Variants in DERA observed in about 807,000 individuals in gnomAD.
The protein encoded by DERA is deoxyribose-phosphate aldolase.
In DERA, 15 loss-of-function variants were observed where a neutral mutation model predicts 41.1. That is an observed-to-expected ratio of 0.37 (90% CI 0.24 to 0.56). DERA has a LOEUF of 0.56. Ranked by LOEUF, DERA falls within the 20% of genes least tolerant of loss-of-function variation. The pLI is 0.81. For synonymous variants in DERA, 139 were observed against 137.4 expected, an observed-to-expected ratio of 1.01 and a Z score of -0.08; for missense variants, 396 against 403.4, an observed-to-expected ratio of 0.98 and a Z score of 0.16.
rs1948627282 is a variant in DERA, at chr12:15,966,928, C to T, written c.508+3981C>T. Among the ~76,000 whole-genome samples the T allele has an allele frequency of 6.6e-6, 1 of 152,162 alleles. No individual in the cohort carries two copies. The highest frequency in any genetic ancestry group is 2.4e-5 in the African/African-American group (1 of 41,442). Reference sequence around the variant, plus strand: ...CCAGGACCACCTGGACCCGGGGCCACCTGCTCCAGAACTCGTATTCCGTTG... The same window carrying T: ...CCAGGACCACCTGGACCCGGGGCCATCTGCTCCAGAACTCGTATTCCGTTG... On this transcript the variant is annotated intron_variant, in intron 5 of 8. Transcript: ENST00000428559. This position sits in a 1 kb window ranked among gnomAD's most constrained non-coding sequence, Gnocchi z 5.1.
chr12:16,032,711 T>A (rs759200880), intron 7 of DERA, 57 bp downstream of exon 7: 7 of 1,043,178 alleles, frequency 6.7e-6, no homozygotes, highest in Non-Finnish European at 1.0e-5. Flanking sequence ...TTTATAATAC[T>A]AGTTACAGCC....
chr12:15,958,480 C>A, intron 3 of DERA, 145 bp downstream of exon 3: 1 of 367,634 alleles, frequency 2.7e-6, no homozygotes, highest in Non-Finnish European at 4.5e-6. Flanking sequence ...TAGACAGATT[C>A]TTCTCTGAAA....
chr12:15,978,744 G>A (rs924549248), intron 5 of DERA, among the ~76,000 whole-genome samples: 2 of 152,090 alleles, frequency 1.3e-5, no homozygotes, highest in Admixed American at 6.5e-5. Context: ...ATAGATCATG[G>A]TGTCCTCTGC....
chr12:16,034,952 C>G (rs916400117), intron 7 of DERA, among the ~76,000 whole-genome samples: 7 of 21,316 alleles, frequency 3.3e-4, no homozygotes, highest in Non-Finnish European at 6.1e-4. Flanking sequence ...TACTTAACCC[C>G]CTACTACCTT....
rs1019497450 is a variant in DERA, at chr12:15,930,886, A to C, written c.31+19472A>C. Among the ~76,000 whole-genome samples, 6 of 152,148 alleles carry C rather than the reference A, an allele frequency of 3.9e-5. 1 individual carries two copies. Among genetic ancestry groups the C allele is most frequent in the Admixed American group, 3.3e-4 (5 of 15,274 alleles). On this transcript the variant is annotated intron_variant, in intron 1 of 8. Coordinates refer to ENST00000428559, the MANE Select transcript of DERA (RefSeq NM_015954.4). ...TAGATTTTTTCCTGAAATGAGACTT[A>C]AGTGGGGTAGTTTGTGGTAAGAGTA... is the stretch of plus-strand genomic sequence containing the variant.
chr12:15,937,776 A>C (rs1423113129), intron 1 of DERA, among the ~76,000 whole-genome samples: 1 of 152,090 alleles, frequency 6.6e-6, no homozygotes. Flanking sequence ...AGTAGTAGTT[A>C]CTTAATTAAT....
chr12:15,947,407 T>A (rs765585897), intron 1 of DERA, among the ~76,000 whole-genome samples: 1 of 152,208 alleles, frequency 6.6e-6, no homozygotes, highest in Non-Finnish European at 1.5e-5. Context: ...TGGGTGCATA[T>A]ATATTTAGGG....
chr12:15,962,754 G>C, intron 4 of DERA, 59 bp from the exon 5 acceptor site: 1 of 1,448,342 alleles, frequency 6.9e-7, no homozygotes, highest in Non-Finnish European at 9.3e-7. Flanking sequence ...TCCCCCCCTT[G>C]CTTACTTTCT....
chr12:15,948,092 C>T (rs193057793), intron 1 of DERA, among the ~76,000 whole-genome samples: 97 of 152,318 alleles, frequency 6.4e-4, no homozygotes, highest in Non-Finnish European at 2.4e-4. Context: ...TGATGGGCTT[C>T]CCTTTATGGG....
chr12:15,936,892 T>C lies in DERA; in HGVS notation c.32-20044T>C, dbSNP rs10772881. On this transcript the variant is annotated intron_variant, in intron 1 of 8. Transcript: ENST00000428559. This position sits in a 1 kb window ranked among gnomAD's most constrained non-coding sequence, Gnocchi z 4.6. ...TGTCTTGTCTTGTCTTGTCTTGTCC[T>C]GTCCTGTCCTGTCCTGTCCTGTCCT... Among the ~76,000 whole-genome samples the C allele has an allele frequency of 1.8e-3, 230 of 126,704 alleles. 2 individuals carry two copies. The East Asian group carries it at 0.028, about 15-fold the overall frequency. The allele number at this position is 126,704 out of a possible 152,430, so 83.1% of individuals were successfully genotyped here.
rs1326081720 is a variant in DERA, at chr12:15,922,411, GA to G, written c.31+11004del. On this transcript the variant is annotated intron_variant, in intron 1 of 8. Transcript: ENST00000428559. The surrounding 1 kb of genome is among the most constrained non-coding windows in gnomAD (Gnocchi z 4.9). ...ATTTCCATAGATCTGTCTCCAGCAA[GA>G]AAAAAATCATAATTTCAGTCTGCAG... Among the ~76,000 whole-genome samples the G allele has an allele frequency of 6.6e-6, 1 of 152,088 alleles. No homozygotes were observed. Among genetic ancestry groups the G allele is most frequent in the Non-Finnish European group, 1.5e-5 (1 of 67,996 alleles).
intron 5 of DERA, among the ~76,000 whole-genome samples, chr12:15,963,465 T>C (rs570442259): frequency 6.6e-6 from 1 of 152,314 alleles, no homozygotes; most frequent in South Asian, 2.1e-4. Flanking sequence ...TATCATGAAA[T>C]TAATGATTCA....
chr12:15,923,124 G>T (rs1191324773), intron 1 of DERA, among the ~76,000 whole-genome samples: 1 of 141,474 alleles, frequency 7.1e-6, no homozygotes, highest in African/African-American at 2.6e-5. Flanking sequence ...CCGGGTTCAC[G>T]CCATTCTCCT....
In DERA at chr12:15,911,428, G is replaced by A; in HGVS notation, c.31+14G>A. On this transcript the variant is annotated intron_variant, in intron 1 of 8. Coordinates refer to ENST00000428559, the MANE Select transcript of DERA (RefSeq NM_015954.4). This position sits in a 1 kb window ranked among gnomAD's most constrained non-coding sequence, Gnocchi z 4.5. ...GCACCGAGCTCGGTAAGGGGCCCGC[G>A]GGGCTCCCCATCCCCTCTCCCTCGC... The A allele has an allele frequency of 2.1e-6, 3 of 1,407,544 alleles. No individual in the cohort carries two copies. The highest frequency in any genetic ancestry group is 5.7e-5 in the East Asian group (2 of 35,058). The allele number at this position is 1,407,544 out of a possible 1,614,324, so 87.2% of individuals were successfully genotyped here.
chr12:16,014,160 G>T lies in DERA; in HGVS notation c.638-18382G>T, dbSNP rs940235374. On this transcript the variant is annotated intron_variant, in intron 6 of 8. Coordinates refer to ENST00000428559, the MANE Select transcript of DERA (RefSeq NM_015954.4). This position sits in a 1 kb window ranked among gnomAD's most constrained non-coding sequence, Gnocchi z 5.4. The stretch of plus-strand genomic sequence containing the variant: ...AAATTTGCAGCCTGATGATGTGATA[G>T]AAAAAAACCCACTTTCTGAGGAGAA... Among the ~76,000 whole-genome samples the T allele has an allele frequency of 6.6e-6, 1 of 152,104 alleles. No homozygotes were observed. Among genetic ancestry groups the T allele is most frequent in the African/African-American group, 2.4e-5 (1 of 41,432 alleles).
chr12:16,004,467 G>A lies in DERA; in HGVS notation c.637+22031G>A, dbSNP rs1048533645. Reference sequence around the variant, plus strand: ...CTTAATAAAAAATGACTTTTTAAATGTCACAATTCTTAATTTTTCTTAGTA... The same window carrying A: ...CTTAATAAAAAATGACTTTTTAAATATCACAATTCTTAATTTTTCTTAGTA... On this transcript the variant is annotated intron_variant, in intron 6 of 8. Coordinates refer to ENST00000428559, the MANE Select transcript of DERA (RefSeq NM_015954.4). The surrounding 1 kb of genome is among the most constrained non-coding windows in gnomAD (Gnocchi z 4.2). Among the ~76,000 whole-genome samples the A allele has an allele frequency of 2.0e-5, 3 of 151,954 alleles. No homozygotes were observed. The highest frequency in any genetic ancestry group is 4.8e-5 in the African/African-American group (2 of 41,360).
In DERA at chr12:16,009,360, G is replaced by A. The variant is rs1016827145; in HGVS notation, c.638-23182G>A. Among the ~76,000 whole-genome samples, 8 of 152,084 alleles carry A rather than the reference G, an allele frequency of 5.3e-5. No homozygotes were observed. Among genetic ancestry groups the A allele is most frequent in the Non-Finnish European group, 1.0e-4 (7 of 68,012 alleles). On this transcript the variant is annotated intron_variant, in intron 6 of 8. Coordinates refer to ENST00000428559, the MANE Select transcript of DERA (RefSeq NM_015954.4). The surrounding 1 kb of genome is among the most constrained non-coding windows in gnomAD (Gnocchi z 5.3). ...TGTCACCATCAAACCAGTCTTAACT[G>A]TTCATCCTATATACAATACTTTTTA...
rs1474328816 is a variant in DERA, at chr12:15,936,352, T to C, written c.32-20584T>C. Among the ~76,000 whole-genome samples, 2 of 152,232 alleles carry C rather than the reference T, an allele frequency of 1.3e-5. No individual in the cohort carries two copies. The highest frequency in any genetic ancestry group is 4.8e-5 in the African/African-American group (2 of 41,462). On this transcript the variant is annotated intron_variant, in intron 1 of 8. Transcript: ENST00000428559. The surrounding 1 kb of genome is among the most constrained non-coding windows in gnomAD (Gnocchi z 4.6). ...GTAGGACTAGTATAAAGAACACTCA[T>C]ATATCTGTCATGACCTAACACATTA...
rs75892935 is a variant in DERA, at chr12:15,966,063, T to G, written c.508+3116T>G. ...CCTTCATCCCCAGCAACGTCCTCCT[T>G]TCTTCTCTTCCCTTCATGACTAAAA... On this transcript the variant is annotated intron_variant, in intron 5 of 8. Coordinates refer to ENST00000428559, the MANE Select transcript of DERA (RefSeq NM_015954.4). The surrounding 1 kb of genome is among the most constrained non-coding windows in gnomAD (Gnocchi z 5.1). Among the ~76,000 whole-genome samples, 2,585 of 152,274 alleles carry G rather than the reference T, an allele frequency of 0.017. 78 individuals carry two copies. The highest frequency in any genetic ancestry group is 0.059 in the African/African-American group (2,461 of 41,546).
Sources: gnomAD v4.1 joint callset for allele counts (sites outside exome capture counted in the v4.1 genomes callset) on GRCh38, gnomAD v4.1.1 for gene constraint, Gnocchi (gnomAD v3.1) non-coding constraint, MANE v1.5 for transcripts, NCBI Gene and HGNC (gene_info 2026-07-23, HGNC 2026-07-21) for gene names.